L3MBTL2: variants seen among roughly 807,000 people sequenced by gnomAD.
The protein encoded by L3MBTL2 is L3MBTL histone methyl-lysine binding protein 2.
Under a neutral mutation model 86.4 loss-of-function variants are expected in L3MBTL2, and 49 were observed. The observed-to-expected ratio is 0.57, with a 90% CI of 0.45 to 0.72. The LOEUF is 0.72. L3MBTL2 is among the 30% of genes least tolerant of loss of function. The probability of loss-of-function intolerance (pLI) is 0.00; values close to 1 mark genes in which losing one functional copy is unlikely to be tolerated. For synonymous variants in L3MBTL2, 336 were observed against 350.6 expected, an observed-to-expected ratio of 0.96 and a Z score of 0.47; for missense variants, 755 against 923.7, an observed-to-expected ratio of 0.82 and a Z score of 2.37.
Position 41,225,778 on chromosome 22 carries a change from TCCCCCCACC to T in L3MBTL2, c.1357-11_1357-3del, listed in dbSNP as rs769282325. 5 of 1,601,160 alleles carry T rather than the reference TCCCCCCACC, an allele frequency of 3.1e-6. No homozygotes were observed. The African/African-American group carries it at 6.7e-5, about 22-fold the overall frequency. On this transcript the variant is annotated splice_polypyrimidine_tract_variant and splice_region_variant and intron_variant, in intron 11 of 16. Transcript: ENST00000216237. This position sits in a 1 kb window ranked among gnomAD's most constrained non-coding sequence, Gnocchi z 4.1. ...TTCATGATATGATCTGTCTGCCTGC[TCCCCCCACC>T]CCCCAGGTTCTCCTGGATGGATACC... is the stretch of plus-strand genomic sequence containing the variant.
intron 8 of L3MBTL2, among the ~76,000 whole-genome samples, chr22:41,223,593 G>A (rs2145604755): frequency 6.6e-6 from 1 of 152,346 alleles, no homozygotes; most frequent in Non-Finnish European, 1.5e-5. Context: ...GGATGCCTGG[G>A]GATCAGAGTG....
At position 41,224,915 on chromosome 22, in the gene L3MBTL2, A is replaced by C; in HGVS notation, c.1252-52A>C. 6.3e-7 allele frequency: 1 copy of C among 1,576,032 alleles called. No individual in the cohort carries two copies. Among genetic ancestry groups the C allele is most frequent in the Non-Finnish European group, 8.7e-7 (1 of 1,147,580 alleles). ...TTCCCTCCTGAGGCCTGCTTCCCTC[A>C]CCCTTCCTCCTGGCCTGCCCAGGGA... On this transcript the variant is annotated intron_variant, in intron 10 of 16. Coordinates refer to ENST00000216237, the MANE Select transcript of L3MBTL2 (RefSeq NM_031488.5). The surrounding 1 kb of genome is among the most constrained non-coding windows in gnomAD (Gnocchi z 4.9).
At chr22:41,229,705 C>T (rs775901638) in intron 16 of L3MBTL2, 49 bp downstream of exon 16, 4 of 1,612,396 alleles carry the variant, frequency 2.5e-6, no homozygotes, top group Non-Finnish European at 3.4e-6. Context: ...GCTCCGTGCT[C>T]AGAGACGACC....
rs772600234 is a variant in L3MBTL2, at chr22:41,217,148, G to A, written c.546G>A (p.Gly182=). ...QDALVLGFDW[G]KFLKDHSYKA... is the part of the protein sequence containing the mutation. ...CTCTGGTCTTGGGCTTCGACTGGGGGAAGTTCCTGAAGGATCACAGTTACA... is the reference window on the plus strand; with the variant it reads ...CTCTGGTCTTGGGCTTCGACTGGGGAAAGTTCCTGAAGGATCACAGTTACA... The change falls in exon 5 of 17, where the codon GGG becomes GGA. Residue 182 remains glycine (G), a synonymous_variant. Coordinates refer to ENST00000216237, the MANE Select transcript of L3MBTL2 (RefSeq NM_031488.5). 5 of 1,613,964 alleles carry A rather than the reference G, an allele frequency of 3.1e-6. No individual in the cohort carries two copies. The highest frequency in any genetic ancestry group is 1.1e-5 in the South Asian group (1 of 91,082).
At chr22:41,219,279 T>C in intron 5 of L3MBTL2, 140 bp from the exon 6 acceptor site, 1 of 660,708 alleles carries the variant, frequency 1.5e-6, no homozygotes, top group Non-Finnish European at 2.8e-6. Flanking sequence ...TCTCTTTATC[T>C]CTAGTAGCTG....
intron 3 of L3MBTL2, among the ~76,000 whole-genome samples, chr22:41,214,881 T>C (rs1416612958): frequency 6.6e-6 from 1 of 152,142 alleles, no homozygotes; most frequent in East Asian, 1.9e-4. Flanking sequence ...CGTGGTGTTG[T>C]ACGCCTGTAG....
chr22:41,207,279 T>TGTCACC (rs1435057404), intron 1 of L3MBTL2, among the ~76,000 whole-genome samples: 1 of 147,832 alleles, frequency 6.8e-6, no homozygotes, highest in Non-Finnish European at 1.5e-5. Context: ...GGTTGCTCTC[T>TGTCACC]GTCACCCAGG....
Position 41,227,082 on chromosome 22 carries a change from G to A in L3MBTL2, c.1588-7G>A, listed in dbSNP as rs1042210600. ...GGCTTGGCCACTGCCTCCTTTTTCT[G>A]CCCCAGGATTGCCCAAACCATGGCT... On this transcript the variant is annotated splice_polypyrimidine_tract_variant and splice_region_variant and intron_variant, in intron 13 of 16. Coordinates refer to ENST00000216237, the MANE Select transcript of L3MBTL2 (RefSeq NM_031488.5). This position sits in a 1 kb window ranked among gnomAD's most constrained non-coding sequence, Gnocchi z 6.0. 2 of 1,605,080 alleles carry A rather than the reference G, an allele frequency of 1.2e-6. No individual in the cohort carries two copies. The highest frequency in any genetic ancestry group is 2.7e-5 in the African/African-American group (2 of 74,764).
At chr22:41,211,738 T>C (rs1230033422) in intron 2 of L3MBTL2, among the ~76,000 whole-genome samples, 2 of 146,250 alleles carry the variant, frequency 1.4e-5, no homozygotes, top group Admixed American at 6.9e-5. Flanking sequence ...TTTTGTATTT[T>C]AGTAGAGACG....
rs768678438 is a variant in L3MBTL2 at position 41,230,290 on chromosome 22, G to C, written c.*39G>C. 4.7e-6 allele frequency: 7 copies of C among 1,502,366 alleles called. No homozygotes were observed. The highest frequency in any genetic ancestry group is 4.5e-5 in the East Asian group (2 of 44,356). The allele number at this position is 1,502,366 out of a possible 1,614,324, so 93.1% of individuals were successfully genotyped here. On this transcript the variant is annotated 3_prime_UTR_variant, in exon 17 of 17. Transcript: ENST00000216237. ...CAGCCTGGCTTCTAGCTGGAAGCCA[G>C]CCCAGCGTTTCTCTACCACCACCAC...
At chr22:41,222,734 A>G (rs2031912371) in intron 8 of L3MBTL2, among the ~76,000 whole-genome samples, 1 of 152,190 alleles carries the variant, frequency 6.6e-6, no homozygotes, top group South Asian at 2.1e-4. Context: ...AGCCTGGCCA[A>G]CATGATGAAA....
rs1039897908 is a variant in L3MBTL2 at position 41,230,442 on chromosome 22, C to G, written c.*191C>G. 1 of 589,484 alleles carries G rather than the reference C, an allele frequency of 1.7e-6. No individual in the cohort carries two copies. Among genetic ancestry groups the G allele is most frequent in the South Asian group, 2.0e-5 (1 of 49,468 alleles). 36.5% of individuals were successfully genotyped at this position (589,484 alleles called of 1,614,324 possible). A position where few individuals can be genotyped will look rare whatever the true frequency, so the allele number is the denominator to read the frequency against. On this transcript the variant is annotated 3_prime_UTR_variant, in exon 17 of 17. Coordinates refer to ENST00000216237, the MANE Select transcript of L3MBTL2 (RefSeq NM_031488.5). ...GGACCCGCCTGTTGCTTCTGCCCTC[C>G]CCTGTGGAAAGGTCTATATGACGGG... is the stretch of plus-strand genomic sequence containing the variant.
chr22:41,222,616 A>G (rs2145602145), intron 8 of L3MBTL2, among the ~76,000 whole-genome samples: 1 of 150,566 alleles, frequency 6.6e-6, no homozygotes, highest in Non-Finnish European at 1.5e-5. Context: ...CGTCTCTTGA[A>G]AAAAAAAAAA....
At chr22:41,210,935 C>T (rs1251613413) in intron 2 of L3MBTL2, among the ~76,000 whole-genome samples, 1 of 152,138 alleles carries the variant, frequency 6.6e-6, no homozygotes, top group African/African-American at 2.4e-5. Context: ...TGGTTACTTT[C>T]TGAGAAGGGA....
rs377324593 is a variant in L3MBTL2, at chr22:41,228,355, G to A, written c.1888+486G>A. The A allele has an allele frequency of 4.2e-5, 41 of 985,490 alleles. No individual in the cohort carries two copies. In the South Asian group the frequency reaches 5.6e-4, roughly 14 times the overall value. The allele number at this position is 985,490 out of a possible 1,614,324, so 61.0% of individuals were successfully genotyped here. On this transcript the variant is annotated intron_variant, in intron 15 of 16. Transcript: ENST00000216237. ...CAGGACTCCACCTGGCTCTCAGGCC[G>A]TGGGTGTCGTTTCCCTTGGTGGGGC...
At chr22:41,221,086 A>C (rs2031779736) in intron 7 of L3MBTL2, 113 bp from the exon 8 acceptor site, 2 of 993,138 alleles carry the variant, frequency 2.0e-6, no homozygotes, top group Admixed American at 2.7e-5. Context: ...CTGAAGAGGC[A>C]GCTATTTTCA....
In L3MBTL2 at chr22:41,225,989, C is replaced by T. The variant is rs2032156557; in HGVS notation, c.1504+48C>T. On this transcript the variant is annotated intron_variant, in intron 12 of 16. Coordinates refer to ENST00000216237, the MANE Select transcript of L3MBTL2 (RefSeq NM_031488.5). This position sits in a 1 kb window ranked among gnomAD's most constrained non-coding sequence, Gnocchi z 4.1. ...CTGCTGTCCTTGCCATCAGAAGGGGCAGGGTGTCCAGGCGCGGTGGCTCCC... is the reference window on the plus strand; with the variant it reads ...CTGCTGTCCTTGCCATCAGAAGGGGTAGGGTGTCCAGGCGCGGTGGCTCCC... 1.3e-6 allele frequency: 2 copies of T among 1,595,532 alleles called. No individual in the cohort carries two copies. Among genetic ancestry groups the T allele is most frequent in the Non-Finnish European group, 8.5e-7 (1 of 1,170,480 alleles).
chr22:41,224,914 C>T lies in L3MBTL2; in HGVS notation c.1252-53C>T, dbSNP rs2032076860. On this transcript the variant is annotated intron_variant, in intron 10 of 16. Coordinates refer to ENST00000216237, the MANE Select transcript of L3MBTL2 (RefSeq NM_031488.5). This position sits in a 1 kb window ranked among gnomAD's most constrained non-coding sequence, Gnocchi z 4.9. ...TTTCCCTCCTGAGGCCTGCTTCCCT[C>T]ACCCTTCCTCCTGGCCTGCCCAGGG... 1.3e-6 allele frequency: 2 copies of T among 1,574,660 alleles called. No individual in the cohort carries two copies. The highest frequency in any genetic ancestry group is 8.7e-7 in the Non-Finnish European group (1 of 1,145,888).
intron 1 of L3MBTL2, chr22:41,208,288 C>T (rs886308220): frequency 6.8e-6 from 3 of 442,362 alleles, no homozygotes; most frequent in African/African-American, 6.1e-5. Context: ...TGCCACCACA[C>T]CTGGCTAATT....
Sources: allele counts gnomAD v4.1 joint callset (sites outside exome capture counted in the v4.1 genomes callset), GRCh38; gene constraint gnomAD v4.1.1; non-coding constraint Gnocchi (gnomAD v3.1); transcripts MANE v1.5; gene names NCBI Gene and HGNC (gene_info 2026-07-23, HGNC 2026-07-21).